The following QRSL1 variants were observed in gnomAD, a reference collection of about 807,000 sequenced individuals.
QRSL1 encodes glutaminyl-tRNA amidotransferase subunit QRSL1, also known as glutamyl-tRNA(Gln) amidotransferase subunit A, mitochondrial.
In QRSL1, 54 loss-of-function variants were observed where a neutral mutation model predicts 61.6. The ratio of observed to expected loss-of-function variants is 0.88; its 90% confidence interval spans 0.70 to 1.10. The LOEUF is 1.10. Ranked by LOEUF, QRSL1 falls within the 50% of genes least tolerant of loss-of-function variation. The pLI, the probability that QRSL1 is intolerant of heterozygous loss-of-function variation, is 0.00. For missense variants in QRSL1, 505 were observed against 622.6 expected (o/e 0.81, Z 2.01); for synonymous variants, 228 against 225.7 (o/e 1.01, Z -0.09).
Position 106,667,854 on chromosome 6 carries a change from A to G in QRSL1, c.*1852A>G, listed in dbSNP as rs1464438976. 1 of 152,062 alleles carries G rather than the reference A, an allele frequency of 6.6e-6. No individual in the cohort carries two copies. Among genetic ancestry groups the G allele is most frequent in the Non-Finnish European group, 1.5e-5 (1 of 68,010 alleles). The allele number at this position is 152,062 out of a possible 1,614,324, so 9.4% of individuals were successfully genotyped here. A position where few individuals can be genotyped will look rare whatever the true frequency, so the allele number is the denominator to read the frequency against. ...TTTTTAATTGCTCAGACACCACAAC[A>G]TCCTAGATGGAGGAAACCATTTTAG... On this transcript the variant is annotated 3_prime_UTR_variant, in exon 11 of 11. Transcript: ENST00000369046.
chr6:106,652,700 G>C, intron 7 of QRSL1, 118 bp downstream of exon 7: 1 of 1,557,368 alleles, frequency 6.4e-7, no homozygotes, highest in Non-Finnish European at 8.7e-7. Context: ...TTAATCATGT[G>C]AGTTGAGTAT....
intron 1 of QRSL1, among the ~76,000 whole-genome samples, chr6:106,630,564 C>T (rs1319703598): frequency 6.6e-6 from 1 of 152,152 alleles, no homozygotes; most frequent in Non-Finnish European, 1.5e-5. Flanking sequence ...GTCACTCAAC[C>T]TTAGAACTGT....
At chr6:106,634,696 G>A (rs1357390557) in intron 1 of QRSL1, among the ~76,000 whole-genome samples, 2 of 152,016 alleles carry the variant, frequency 1.3e-5, no homozygotes, top group East Asian at 1.9e-4. Context: ...AGCCTCGGAG[G>A]TTGAGGCTGC....
intron 9 of QRSL1, among the ~76,000 whole-genome samples, chr6:106,659,127 A>G (rs1777315091): frequency 6.6e-6 from 1 of 151,502 alleles, no homozygotes; most frequent in African/African-American, 2.4e-5. Context: ...TATCCCTTCA[A>G]TTTCTTCATT....
At chr6:106,631,255 TAAAC>T (rs764022431) in intron 1 of QRSL1, among the ~76,000 whole-genome samples, 4 of 152,036 alleles carry the variant, frequency 2.6e-5, no homozygotes, top group East Asian at 1.9e-4. Flanking sequence ...TAAAAATAAA[TAAAC>T]AGACAACACC....
chr6:106,633,251 AT>A (rs1246527745), intron 1 of QRSL1, among the ~76,000 whole-genome samples: 1 of 152,146 alleles, frequency 6.6e-6, no homozygotes, highest in Non-Finnish European at 1.5e-5. Context: ...TCTACTTTGT[AT>A]TTTTTCCACA....
At chr6:106,663,939 C>G (rs544635238) in intron 10 of QRSL1, among the ~76,000 whole-genome samples, 7 of 152,198 alleles carry the variant, frequency 4.6e-5, no homozygotes, top group African/African-American at 1.7e-4. Context: ...CTTCCTCTTT[C>G]TACACACCCA....
In QRSL1 at chr6:106,646,804, G is replaced by A. The variant is rs1190999220; in HGVS notation, c.381-2221G>A. 4.0e-5 allele frequency among the ~76,000 whole-genome samples: 6 copies of A among 151,890 alleles called. No individual in the cohort carries two copies. The East Asian group carries it at 1.2e-3, about 29-fold the overall frequency. The stretch of plus-strand genomic sequence containing the variant: ...AGCACTTTGGGAGGCCGAGGCAGGT[G>A]GATCACAAGGTCAGGAGATTGAGAC... On this transcript the variant is annotated intron_variant, in intron 4 of 10. Coordinates refer to ENST00000369046, the MANE Select transcript of QRSL1 (RefSeq NM_018292.5).
intron 9 of QRSL1, among the ~76,000 whole-genome samples, chr6:106,659,365 C>T (rs1186660391): frequency 6.6e-6 from 1 of 150,736 alleles, no homozygotes; most frequent in Non-Finnish European, 1.5e-5. Context: ...CTCGGGAGGC[C>T]AAGGTACAAG....
chr6:106,651,704 T>C (rs1276222874), intron 5 of QRSL1, among the ~76,000 whole-genome samples: 1 of 152,154 alleles, frequency 6.6e-6, no homozygotes, highest in Non-Finnish European at 1.5e-5. Flanking sequence ...TCTGAATTTC[T>C]AGGAGGGGCG....
At position 106,665,718 on chromosome 6, in the gene QRSL1, G is replaced by T. The variant is rs1421468593; in HGVS notation, c.1367-64G>T. 15 of 1,371,746 alleles carry T rather than the reference G, an allele frequency of 1.1e-5. No individual in the cohort carries two copies. The South Asian group carries it at 1.7e-4, about 16-fold the overall frequency. 85.0% of individuals were successfully genotyped at this position (1,371,746 alleles called of 1,614,324 possible). On this transcript the variant is annotated intron_variant, in intron 10 of 10. Coordinates refer to ENST00000369046, the MANE Select transcript of QRSL1 (RefSeq NM_018292.5). ...ATTGTACTTATTAGCACTGGAAAGT[G>T]GAAGAGGTCTCTGCTAATTAGGGTG... is the stretch of plus-strand genomic sequence containing the variant.
At chr6:106,649,404 TAAC>T (rs1203150919) in intron 5 of QRSL1, among the ~76,000 whole-genome samples, 6 of 124,734 alleles carry the variant, frequency 4.8e-5, no homozygotes, top group Non-Finnish European at 8.3e-5. Context: ...AACTTTAAAA[TAAC>T]AAATTTTTCT....
At chr6:106,632,168 T>C (rs1393163541) in intron 1 of QRSL1, among the ~76,000 whole-genome samples, 2 of 152,218 alleles carry the variant, frequency 1.3e-5, no homozygotes, top group South Asian at 2.1e-4. Context: ...TGAATAGTAC[T>C]CCATTGTGTA....
chr6:106,660,459 A>G (rs914784525), intron 9 of QRSL1, among the ~76,000 whole-genome samples: 1 of 151,932 alleles, frequency 6.6e-6, no homozygotes, highest in African/African-American at 2.4e-5. Context: ...GGCATGAGGG[A>G]CCACACCTGG....
intron 4 of QRSL1, among the ~76,000 whole-genome samples, chr6:106,648,477 T>A (rs1582414022): frequency 6.6e-6 from 1 of 152,190 alleles, no homozygotes; most frequent in East Asian, 1.9e-4. Flanking sequence ...ATACTTTGTG[T>A]ATATATGTAC....
rs558372706 is a variant in QRSL1 at position 106,654,999 on chromosome 6, A to G, written c.1042+77A>G. Reference sequence around the variant, plus strand: ...AAAGTTCACTTATTAGTGACAAAAAAGTTAATGCTTGAGATAATGTTAGTG... The same window carrying G: ...AAAGTTCACTTATTAGTGACAAAAAGGTTAATGCTTGAGATAATGTTAGTG... On this transcript the variant is annotated intron_variant, in intron 8 of 10. Transcript: ENST00000369046. 5 of 1,312,376 alleles carry G rather than the reference A, an allele frequency of 3.8e-6. No individual in the cohort carries two copies. The African/African-American group carries it at 7.5e-5, about 20-fold the overall frequency. The allele number at this position is 1,312,376 out of a possible 1,614,324, so 81.3% of individuals were successfully genotyped here.
intron 9 of QRSL1, 127 bp downstream of exon 9, chr6:106,655,859 C>A: frequency 1.6e-6 from 1 of 609,368 alleles, no homozygotes; most frequent in East Asian, 3.2e-5. Context: ...TAGAAAAGAC[C>A]TGTTTATGGC....
Position 106,663,128 on chromosome 6 carries a change from G to T in QRSL1, c.1309G>T (p.Asp437Tyr), listed in dbSNP as rs1175108087. The T allele has an allele frequency of 6.2e-7, 1 of 1,614,198 alleles. No individual in the cohort carries two copies. The highest frequency in any genetic ancestry group is 8.5e-7 in the Non-Finnish European group (1 of 1,180,032). ...AVPYLEFIKE[D>Y]NRTRSAQDDI... ...ACCATACTTGGAGTTCATCAAAGAG[G>T]ACAACAGAACCCGAAGTGCCCAGGA... The change falls in exon 10 of 11, where the codon GAC (aspartate) becomes TAC (tyrosine). Residue 437 changes from aspartate to tyrosine, a missense_variant. Asp to Tyr is a radical substitution (Grantham distance 160). Transcript: ENST00000369046.
chr6:106,629,739 G>C (rs1188502981), intron 1 of QRSL1, 34 bp downstream of exon 1: 1 of 1,592,236 alleles, frequency 6.3e-7, no homozygotes, highest in East Asian at 2.3e-5. Context: ...GCCCCCGGGA[G>C]GGCGGAAAGT....
Sources: gnomAD v4.1 joint callset for allele counts (sites outside exome capture counted in the v4.1 genomes callset) on GRCh38, gnomAD v4.1.1 for gene constraint, MANE v1.5 for transcripts, NCBI Gene and HGNC (gene_info 2026-07-23, HGNC 2026-07-21) for gene names.